DNAJC5: variants seen among roughly 807,000 people sequenced by gnomAD.
DNAJC5 encodes DnaJ heat shock protein family (Hsp40) member C5.
In DNAJC5, 1 loss-of-function variant was observed where a neutral mutation model predicts 23.2. The observed-to-expected ratio is 0.04, with a 90% CI of 0.02 to 0.20. The LOEUF is 0.20. Ranked by LOEUF, DNAJC5 falls within the 10% of genes least tolerant of loss-of-function variation. DNAJC5 has a pLI of 1.00. For missense variants in DNAJC5, 180 were observed against 267.0 expected, an observed-to-expected ratio of 0.67 and a Z score of 2.27; for synonymous variants, 136 against 120.0, an observed-to-expected ratio of 1.13 and a Z score of -0.87.
At chr20:63,919,148 T>C (rs1460418160) in intron 1 of DNAJC5, among the ~76,000 whole-genome samples, 3 of 152,174 alleles carry the variant, frequency 2.0e-5, no homozygotes, top group African/African-American at 7.2e-5. Context: ...CCTGAAGATC[T>C]TTAAGTCTTC....
chr20:63,926,660 C>T (rs916215288), intron 1 of DNAJC5, among the ~76,000 whole-genome samples: 1 of 152,202 alleles, frequency 6.6e-6, no homozygotes, highest in Non-Finnish European at 1.5e-5. Flanking sequence ...GGAGGAGACA[C>T]GTGGCCCCGC....
intron 1 of DNAJC5, among the ~76,000 whole-genome samples, chr20:63,922,765 G>A (rs1253937871): frequency 6.6e-6 from 1 of 152,096 alleles, no homozygotes; most frequent in Non-Finnish European, 1.5e-5. Context: ...GCAAGACCCT[G>A]TCTCCAAACA....
chr20:63,923,899 G>T, intron 1 of DNAJC5, among the ~76,000 whole-genome samples: 1 of 152,150 alleles, frequency 6.6e-6, no homozygotes, highest in East Asian at 1.9e-4. Flanking sequence ...TAAAAATGGA[G>T]TTTTTTGCCT....
At chr20:63,921,121 G>A (rs1310875694) in intron 1 of DNAJC5, among the ~76,000 whole-genome samples, 1 of 150,906 alleles carries the variant, frequency 6.6e-6, no homozygotes, top group East Asian at 2.0e-4. Flanking sequence ...CATCACGCCC[G>A]GCTAATTTTG....
At chr20:63,926,911 A>T (rs756241895) in intron 1 of DNAJC5, among the ~76,000 whole-genome samples, 1 of 152,082 alleles carries the variant, frequency 6.6e-6, no homozygotes, top group African/African-American at 2.4e-5. Context: ...CGTCATGTAC[A>T]CTGTATTTAT....
At chr20:63,895,541 A>G (rs2053368774) in intron 1 of DNAJC5, among the ~76,000 whole-genome samples, 1 of 143,040 alleles carries the variant, frequency 7.0e-6, no homozygotes, top group African/African-American at 2.6e-5. Flanking sequence ...GGCCTGCGGG[A>G]GCCGGGCCGG....
At chr20:63,924,723 C>A (rs2053598029) in intron 1 of DNAJC5, among the ~76,000 whole-genome samples, 1 of 152,218 alleles carries the variant, frequency 6.6e-6, no homozygotes, top group African/African-American at 2.4e-5. Flanking sequence ...GTGGTGCGTG[C>A]CTGTAGTCCC....
chr20:63,900,364 G>A (rs13040638), intron 1 of DNAJC5, among the ~76,000 whole-genome samples: 1 of 151,970 alleles, frequency 6.6e-6, no homozygotes, highest in African/African-American at 2.4e-5. Flanking sequence ...GATTGCTAGA[G>A]TCCAGAAGTG....
intron 1 of DNAJC5, among the ~76,000 whole-genome samples, chr20:63,915,116 G>A (rs1236946584): frequency 6.6e-6 from 1 of 152,166 alleles, no homozygotes; most frequent in African/African-American, 2.4e-5. Flanking sequence ...CTGGGGCACT[G>A]GGTGGGCCTC....
At chr20:63,930,332 G>C (rs2053657207) in intron 3 of DNAJC5, among the ~76,000 whole-genome samples, 1 of 151,532 alleles carries the variant, frequency 6.6e-6, no homozygotes, top group South Asian at 2.1e-4. Flanking sequence ...GTGAACCACT[G>C]TGCCCAGCCT....
intron 1 of DNAJC5, among the ~76,000 whole-genome samples, chr20:63,911,018 T>G (rs952194403): frequency 2.6e-5 from 4 of 152,216 alleles, no homozygotes; most frequent in Admixed American, 2.0e-4. Context: ...TTTGTTCAAC[T>G]TCTGATCTGC....
intron 1 of DNAJC5, among the ~76,000 whole-genome samples, chr20:63,916,084 C>G (rs889359769): frequency 1.3e-5 from 2 of 152,140 alleles, no homozygotes; most frequent in Non-Finnish European, 2.9e-5. Context: ...CAGGCGTGCA[C>G]CACCATGCCT....
intron 1 of DNAJC5, among the ~76,000 whole-genome samples, chr20:63,901,570 C>T (rs913193983): frequency 1.3e-5 from 2 of 152,224 alleles, no homozygotes; most frequent in Admixed American, 6.5e-5. Flanking sequence ...AGAGTGGAGG[C>T]GAGCCCAGGC....
At chr20:63,895,648 C>T (rs1199100357) in intron 1 of DNAJC5, among the ~76,000 whole-genome samples, 2 of 151,914 alleles carry the variant, frequency 1.3e-5, no homozygotes, top group Non-Finnish European at 2.9e-5. Flanking sequence ...CCCAGGTCCC[C>T]GCGGCCGCCC....
rs866050997 is a variant in DNAJC5, at chr20:63,918,101, C to T, written c.-11-10234C>T. ...AGCTGAGAACAGCCCAGATGTCCTT[C>T]GGTGCAAGAGTGGATGGATCAGTTG... is the stretch of plus-strand genomic sequence containing the variant. On this transcript the variant is annotated intron_variant, in intron 1 of 4. Coordinates refer to ENST00000360864, the MANE Select transcript of DNAJC5 (RefSeq NM_025219.3). 2.3e-4 allele frequency among the ~76,000 whole-genome samples: 35 copies of T among 152,196 alleles called. 1 individual carries two copies. The highest frequency in any genetic ancestry group is 4.6e-4 in the Admixed American group (7 of 15,274).
At chr20:63,903,732 A>G (rs1238736916) in intron 1 of DNAJC5, among the ~76,000 whole-genome samples, 1 of 151,856 alleles carries the variant, frequency 6.6e-6, no homozygotes, top group Non-Finnish European at 1.5e-5. Context: ...AGCAGATTAC[A>G]TGAGGCCAGG....
chr20:63,910,694 A>T lies in DNAJC5; in HGVS notation c.-12+15371A>T, dbSNP rs181706202. ...ATGTTTTTTTTTTTTTTTAATTGAG[A>T]CAGAGTCTGACTCTGTCGCCCAGGC... is the stretch of plus-strand genomic sequence containing the variant. On this transcript the variant is annotated intron_variant, in intron 1 of 4. Coordinates refer to ENST00000360864, the MANE Select transcript of DNAJC5 (RefSeq NM_025219.3). 1.0e-3 allele frequency among the ~76,000 whole-genome samples: 154 copies of T among 149,014 alleles called. 1 individual carries two copies. The East Asian group carries it at 0.028, about 27-fold the overall frequency.
intron 1 of DNAJC5, among the ~76,000 whole-genome samples, chr20:63,903,825 C>T (rs2053429951): frequency 6.6e-6 from 1 of 152,078 alleles, no homozygotes; most frequent in African/African-American, 2.4e-5. Context: ...GTGGCTGACA[C>T]CTGTAACCCC....
At chr20:63,899,650 TG>T (rs1367047608) in intron 1 of DNAJC5, among the ~76,000 whole-genome samples, 3 of 152,074 alleles carry the variant, frequency 2.0e-5, no homozygotes, top group Non-Finnish European at 2.9e-5. Flanking sequence ...GGCGTGACCT[TG>T]GCTCACTGCA....
Sources: gnomAD v4.1 joint callset for allele counts (sites outside exome capture counted in the v4.1 genomes callset) on GRCh38, gnomAD v4.1.1 for gene constraint, MANE v1.5 for transcripts, NCBI Gene and HGNC (gene_info 2026-07-23, HGNC 2026-07-21) for gene names.